The following TTC16 variants were observed in gnomAD, a reference collection of about 807,000 sequenced individuals.
TTC16 encodes the protein tetratricopeptide repeat protein 16.
In TTC16, 66 loss-of-function variants were observed where a neutral mutation model predicts 80.4. The observed-to-expected ratio is 0.82, with a 90% CI of 0.67 to 1.01. TTC16 has a LOEUF of 1.01. Ranked by LOEUF, TTC16 falls within the 50% of genes least tolerant of loss-of-function variation. The pLI is 0.00. For synonymous variants in TTC16, 438 were observed against 451.3 expected, an observed-to-expected ratio of 0.97 and a Z score of 0.37; for missense variants, 1,070 against 1,103.2, an observed-to-expected ratio of 0.97 and a Z score of 0.43.
rs542579569 is a variant in TTC16, at chr9:127,717,805, C to T, written c.426+33C>T. Reference sequence around the variant, plus strand: ...GGGCCTCCCGGGCCCATGCAGGGCACCCACCTCACACTTCTCAGGGGCTCT... The same window carrying T: ...GGGCCTCCCGGGCCCATGCAGGGCATCCACCTCACACTTCTCAGGGGCTCT... On this transcript the variant is annotated intron_variant, in intron 4 of 13. Coordinates refer to ENST00000373289, the MANE Select transcript of TTC16 (RefSeq NM_144965.3). 81 of 1,591,726 alleles carry T rather than the reference C, an allele frequency of 5.1e-5. No homozygotes were observed. In the African/African-American group the frequency reaches 9.5e-4, roughly 19 times the overall value.
Position 127,716,955 on chromosome 9 carries a change from A to G in TTC16, c.130A>G (p.Ser44Gly), listed in dbSNP as rs534184574. The G allele has an allele frequency of 1.2e-6, 2 of 1,614,088 alleles. No individual in the cohort carries two copies. The highest frequency in any genetic ancestry group is 1.7e-6 in the Non-Finnish European group (2 of 1,179,988). The change falls in exon 2 of 14, where the codon AGC (serine) becomes GGC (glycine). Residue 44 changes from serine (S) to glycine (G), a missense_variant. By Grantham distance (56) the Ser-to-Gly change is moderately conservative. Transcript: ENST00000373289. ...HIFGTSHVFQ[S>G]ICDVKPKVTG... ...CTTTGGGACCAGCCACGTGTTCCAAAGCATCTGTGATGTAAAACCAAAGGT... is the reference window on the plus strand; with the variant it reads ...CTTTGGGACCAGCCACGTGTTCCAAGGCATCTGTGATGTAAAACCAAAGGT...
At chr9:127,729,690 C>T in intron 13 of TTC16, 22 bp downstream of exon 13, 1 of 1,609,130 alleles carries the variant, frequency 6.2e-7, no homozygotes, top group Non-Finnish European at 8.5e-7. Flanking sequence ...GTGCTTCCGC[C>T]AGGCCTCAGG....
rs1024533727 is a variant in TTC16, at chr9:127,716,164, G to T, written c.18+1G>T. 1 of 1,613,850 alleles carries T rather than the reference G, an allele frequency of 6.2e-7. No individual in the cohort carries two copies. Among genetic ancestry groups the T allele is most frequent in the African/African-American group, 1.3e-5 (1 of 74,934 alleles). The stretch of plus-strand genomic sequence containing the variant: ...GGGCCTCATGACAGATTCGGACGAG[G>T]TGCGGGCTTGGGAGAAGACTAACGC... On this transcript the variant is annotated splice_donor_variant, in intron 1 of 13. Coordinates refer to ENST00000373289, the MANE Select transcript of TTC16 (RefSeq NM_144965.3). LOFTEE classifies it high-confidence loss of function.
chr9:127,721,639 C>T (rs1180717555), intron 6 of TTC16, among the ~76,000 whole-genome samples: 1 of 152,156 alleles, frequency 6.6e-6, no homozygotes, highest in Non-Finnish European at 1.5e-5. Context: ...GCAACTCCTC[C>T]CTGTGCCCCG....
At chr9:127,728,269 C>G (rs1453694125) in intron 12 of TTC16, 1 of 152,246 alleles carries the variant, frequency 6.6e-6, no homozygotes, top group African/African-American at 2.4e-5. Context: ...ATTCCTGACA[C>G]CAAACATGAG....
At chr9:127,724,602 C>G (rs1282530397) in intron 8 of TTC16, 154 bp from the exon 9 acceptor site, 1 of 1,177,250 alleles carries the variant, frequency 8.5e-7, no homozygotes, top group Non-Finnish European at 1.2e-6. Flanking sequence ...GGGAACAGTG[C>G]CCAGACGCCC....
intron 12 of TTC16, chr9:127,728,227 CCG>C (rs1331404765): frequency 6.6e-6 from 1 of 152,268 alleles, no homozygotes; most frequent in Non-Finnish European, 1.5e-5. Flanking sequence ...GAGGCCCCTC[CCG>C]TAACCCACCC....
chr9:127,726,903 G>C, intron 10 of TTC16, 67 bp from the exon 11 acceptor site: 2 of 1,604,244 alleles, frequency 1.2e-6, no homozygotes, highest in Non-Finnish European at 1.7e-6. Flanking sequence ...CAGGGTCAGG[G>C]CAGCATCGTG....
Position 127,722,348 on chromosome 9 carries a change from A to G in TTC16, c.658-771A>G. Among the ~76,000 whole-genome samples, 1 of 151,894 alleles carries G rather than the reference A, an allele frequency of 6.6e-6. No individual in the cohort carries two copies. Among genetic ancestry groups the G allele is most frequent in the African/African-American group, 2.4e-5 (1 of 41,332 alleles). ...GGCTGAGCTGCGCCTTCCTCCTCCT[A>G]GTGGAAGGGACTTGCTGGGGGAGGT... On this transcript the variant is annotated intron_variant, in intron 6 of 13. Transcript: ENST00000373289. The surrounding 1 kb of genome is among the most constrained non-coding windows in gnomAD (Gnocchi z 4.2).
Position 127,727,336 on chromosome 9 carries a change from G to A in TTC16, c.1635G>A (p.Gly545=). ...ALALQHSWKQ[G]EPLIATSEEL... Reference sequence around the variant, plus strand: ...CCCTGCAGCACTCATGGAAGCAGGGGGAGCCTTTGATTGCGACCTCCGAGG... The same window carrying A: ...CCCTGCAGCACTCATGGAAGCAGGGAGAGCCTTTGATTGCGACCTCCGAGG... Residue 545 remains glycine, a synonymous_variant, in exon 12 of 14, where the codon GGG becomes GGA. Transcript: ENST00000373289. 6.2e-7 allele frequency: 1 copy of A among 1,605,442 alleles called. No homozygotes were observed. Among genetic ancestry groups the A allele is most frequent in the Non-Finnish European group, 8.5e-7 (1 of 1,174,430 alleles).
At chr9:127,724,608 C>A in intron 8 of TTC16, 148 bp from the exon 9 acceptor site, 1 of 1,205,234 alleles carries the variant, frequency 8.3e-7, no homozygotes, top group African/African-American at 1.5e-5. Flanking sequence ...AGTGCCCAGA[C>A]GCCCAGAAAA....
intron 10 of TTC16, 144 bp from the exon 11 acceptor site, chr9:127,726,818 AAAACAAAC>A: frequency 1.7e-6 from 1 of 583,872 alleles, no homozygotes; most frequent in Non-Finnish European, 2.8e-6. Flanking sequence ...AAAAAAAAAA[AAAACAAAC>A]AAGCAAACAA....
chr9:127,717,364 G>A lies in TTC16; in HGVS notation c.222G>A (p.Gln74=), dbSNP rs1421853214. 2.5e-6 allele frequency: 4 copies of A among 1,612,438 alleles called. No individual in the cohort carries two copies. The African/African-American group carries it at 4.0e-5, about 16-fold the overall frequency. Reference sequence around the variant, plus strand: ...CCAGAGGCCAGCAGTGCTTGGAGCAGGCAGACTGGGAGACAGCTGTGCTGC... The same window carrying A: ...CCAGAGGCCAGCAGTGCTTGGAGCAAGCAGACTGGGAGACAGCTGTGCTGC... ...YYSRGQQCLE[Q]ADWETAVLLF... The change falls in exon 3 of 14, where the codon CAG becomes CAA. Residue 74 remains glutamine (Q), a synonymous_variant. Transcript: ENST00000373289.
intron 6 of TTC16, among the ~76,000 whole-genome samples, chr9:127,720,600 C>G (rs1843369975): frequency 6.6e-6 from 1 of 152,184 alleles, no homozygotes; most frequent in Admixed American, 6.5e-5. Context: ...TGTTGCTCAG[C>G]CCTGGCTCTG....
Position 127,727,266 on chromosome 9 carries a change from G to C in TTC16, c.1569-4G>C. On this transcript the variant is annotated splice_polypyrimidine_tract_variant and splice_region_variant and intron_variant, in intron 11 of 13. Coordinates refer to ENST00000373289, the MANE Select transcript of TTC16 (RefSeq NM_144965.3). Reference sequence around the variant, plus strand: ...GACAATACCTGGGGGGTATCGTTTGGCAGGATGCTTAAACGGCACGAGTTG... The same window carrying C: ...GACAATACCTGGGGGGTATCGTTTGCCAGGATGCTTAAACGGCACGAGTTG... The C allele has an allele frequency of 6.4e-7, 1 of 1,553,722 alleles. No homozygotes were observed. Among genetic ancestry groups the C allele is most frequent in the Non-Finnish European group, 8.7e-7 (1 of 1,147,286 alleles).
chr9:127,726,771 G>C (rs1358009166), intron 10 of TTC16, among the ~76,000 whole-genome samples, 199 bp from the exon 11 acceptor site: 6 of 134,602 alleles, frequency 4.5e-5, no homozygotes, highest in Non-Finnish European at 9.4e-5. Context: ...CTGGGCGATA[G>C]AGTGAGACTC....
At position 127,723,983 on chromosome 9, in the gene TTC16, A is replaced by G. The variant is rs555346190; in HGVS notation, c.873-137A>G. 696 of 1,237,056 alleles carry G rather than the reference A, an allele frequency of 5.6e-4. 1 individual carries two copies. Among genetic ancestry groups the G allele is most frequent in the Non-Finnish European group, 6.9e-4 (634 of 918,672 alleles). The allele number at this position is 1,237,056 out of a possible 1,614,324, so 76.6% of individuals were successfully genotyped here. ...GCTGGCCCCACGGGACAAACCTAGC[A>G]AATGAGGTGGGATCCCCACTGCCTC... On this transcript the variant is annotated intron_variant, in intron 7 of 13. Coordinates refer to ENST00000373289, the MANE Select transcript of TTC16 (RefSeq NM_144965.3).
In TTC16 at chr9:127,716,150, C is replaced by G. The variant is rs1217862336; in HGVS notation, c.5C>G (p.Thr2Arg). 1 of 1,613,990 alleles carries G rather than the reference C, an allele frequency of 6.2e-7. No individual in the cohort carries two copies. Among genetic ancestry groups the G allele is most frequent in the Non-Finnish European group, 8.5e-7 (1 of 1,180,022 alleles). ...GGTCCTCCTGGAAGGGGCCTCATGA[C>G]AGATTCGGACGAGGTGCGGGCTTGG... is the stretch of plus-strand genomic sequence containing the variant. M[T>R]DSDEDALKVD... is the part of the protein sequence containing the mutation. Residue 2 changes from threonine to arginine, a missense_variant, in exon 1 of 14, where the codon ACA becomes AGA. Transcript: ENST00000373289.
chr9:127,716,600 A>G lies in TTC16; in HGVS notation c.19-244A>G. ...CTGGGGGAGAACAGACGGTGTTGTAAGCATGAGGACCCTGATCCCTGACCT... is the reference window on the plus strand; with the variant it reads ...CTGGGGGAGAACAGACGGTGTTGTAGGCATGAGGACCCTGATCCCTGACCT... On this transcript the variant is annotated intron_variant, in intron 1 of 13. Transcript: ENST00000373289. 2.1e-5 allele frequency: 12 copies of G among 578,972 alleles called. No individual in the cohort carries two copies. The South Asian group carries it at 2.6e-4, about 13-fold the overall frequency. 35.9% of individuals were successfully genotyped at this position (578,972 alleles called of 1,614,324 possible).
Sources: gnomAD v4.1 joint callset for allele counts (sites outside exome capture counted in the v4.1 genomes callset) on GRCh38, gnomAD v4.1.1 for gene constraint, Gnocchi (gnomAD v3.1) non-coding constraint, MANE v1.5 for transcripts, NCBI Gene and HGNC (gene_info 2026-07-23, HGNC 2026-07-21) for gene names.